The following JAM3 variants were observed in gnomAD, a reference collection of about 807,000 sequenced individuals.
JAM3 encodes the protein junctional adhesion molecule 3, also known as junctional adhesion molecule C.
Under a neutral mutation model 39.4 loss-of-function variants are expected in JAM3, and 31 were observed. The ratio of observed to expected loss-of-function variants is 0.79; its 90% CI spans 0.59 to 1.06. The LOEUF (loss-of-function observed/expected upper bound fraction) is 1.06, where lower values mean the gene tolerates loss of function less well. Among genes scored for constraint, JAM3 ranks in the 50% least tolerant of loss-of-function variants. The pLI, the probability that JAM3 is intolerant of heterozygous loss-of-function variation, is 0.00. For missense variants in JAM3, 455 were observed against 391.4 expected (o/e 1.16, Z -1.37); for synonymous variants, 182 against 148.7 (o/e 1.22, Z -1.63).
intron 6 of JAM3, chr11:134,147,860 T>C (rs983538916): frequency 1.3e-5 from 2 of 153,402 alleles, no homozygotes; most frequent in African/African-American, 4.8e-5. Flanking sequence ...TTTTAAAACT[T>C]CCAAGTTACT....
At chr11:134,084,700 A>C (rs1256718338) in intron 1 of JAM3, among the ~76,000 whole-genome samples, 1 of 152,198 alleles carries the variant, frequency 6.6e-6, no homozygotes, top group Non-Finnish European at 1.5e-5. Context: ...AGGCAGATTT[A>C]AAGGGAAGCT....
In JAM3 at chr11:134,104,287, TA is replaced by T. The variant is rs536943820; in HGVS notation, c.76+35131del. On this transcript the variant is annotated intron_variant, in intron 1 of 8. Transcript: ENST00000299106. Reference sequence around the variant, plus strand: ...GTACATAACAAAATGAAGGCAGAAATAAAGATGTTATTTGAAACCAATGAGA... The same window carrying T: ...GTACATAACAAAATGAAGGCAGAAATAAGATGTTATTTGAAACCAATGAGA... Among the ~76,000 whole-genome samples the T allele has an allele frequency of 1.8e-4, 28 of 152,186 alleles. No homozygotes were observed. In the East Asian group the frequency reaches 5.4e-3, roughly 29 times the overall value.
intron 1 of JAM3, among the ~76,000 whole-genome samples, chr11:134,135,761 T>G (rs1942853481): frequency 6.6e-6 from 1 of 152,024 alleles, no homozygotes; most frequent in South Asian, 2.1e-4. Flanking sequence ...TAGTATATAA[T>G]AAGAGATAAA....
At chr11:134,072,596 C>A (rs1351365019) in intron 1 of JAM3, among the ~76,000 whole-genome samples, 1 of 152,216 alleles carries the variant, frequency 6.6e-6, no homozygotes, top group African/African-American at 2.4e-5. Flanking sequence ...AGGCGTGAGC[C>A]ACCACGCCCA....
chr11:134,085,846 G>T (rs1444362398), intron 1 of JAM3, among the ~76,000 whole-genome samples: 1 of 152,164 alleles, frequency 6.6e-6, no homozygotes, highest in African/African-American at 2.4e-5. Flanking sequence ...TTCTTTAGTT[G>T]TGGGTTTGGG....
At chr11:134,135,434 A>C (rs1942845659) in intron 1 of JAM3, among the ~76,000 whole-genome samples, 1 of 152,196 alleles carries the variant, frequency 6.6e-6, no homozygotes, top group African/African-American at 2.4e-5. Flanking sequence ...CTTTGTAATA[A>C]GTTTTGCAAT....
rs1385379800 is a variant in JAM3 at position 134,151,863 on chromosome 11, AG to A, written c.*2685del. On this transcript the variant is annotated 3_prime_UTR_variant, in exon 9 of 9. Coordinates refer to ENST00000299106, the MANE Select transcript of JAM3 (RefSeq NM_032801.5). ...AAATGCTATCAATCACCCATCCACC[AG>A]GGAAGTCAGTGCTGGGCAGGAGGTC... is the stretch of plus-strand genomic sequence containing the variant. The A allele has an allele frequency of 6.6e-6, 1 of 152,142 alleles. No homozygotes were observed. The highest frequency in any genetic ancestry group is 1.5e-5 in the Non-Finnish European group (1 of 68,044). The allele number at this position is 152,142 out of a possible 1,614,324, so 9.4% of individuals were successfully genotyped here.
At chr11:134,100,359 A>T (rs1267620855) in intron 1 of JAM3, among the ~76,000 whole-genome samples, 2 of 152,064 alleles carry the variant, frequency 1.3e-5, no homozygotes, top group East Asian at 3.9e-4. Context: ...GCTGAGGAGG[A>T]GGTGTGATAT....
In JAM3 at chr11:134,126,164, C is replaced by A. The variant is rs538477645; in HGVS notation, c.77-13687C>A. Among the ~76,000 whole-genome samples, 9 of 152,250 alleles carry A rather than the reference C, an allele frequency of 5.9e-5. No individual in the cohort carries two copies. The South Asian group carries it at 1.9e-3, about 32-fold the overall frequency. On this transcript the variant is annotated intron_variant, in intron 1 of 8. Transcript: ENST00000299106. ...ATAGATTTTCCTTGTGGACAACTGT[C>A]CATAAAGGTAGAATGCTAGTAATAC...
intron 1 of JAM3, among the ~76,000 whole-genome samples, chr11:134,108,644 A>G (rs184487154): frequency 2.6e-5 from 4 of 152,362 alleles, no homozygotes; most frequent in Admixed American, 2.0e-4. Flanking sequence ...GGTTGGTTTA[A>G]CATATGAAAA....
chr11:134,148,812 C>G lies in JAM3; in HGVS notation c.891C>G (p.Asp297Glu), dbSNP rs150992119. The change falls in exon 8 of 9, where the codon GAC becomes GAG. Residue 297 changes from aspartate to glutamate, a missense_variant. By Grantham distance (45) the Asp-to-Glu change is conservative. Coordinates refer to ENST00000299106, the MANE Select transcript of JAM3 (RefSeq NM_032801.5). ...ATGGAGTTAACTACATCCGCACTGA[C>G]GAGGAGGTAATCATTTAGTAAACCT... The part of the protein sequence containing the change: ...KPDGVNYIRT[D>E]EEGDFRHKSS... The G allele has an allele frequency of 5.0e-6, 8 of 1,613,998 alleles. No individual in the cohort carries two copies. The East Asian group carries it at 8.9e-5, about 18-fold the overall frequency.
intron 1 of JAM3, among the ~76,000 whole-genome samples, chr11:134,133,046 G>A: frequency 6.6e-6 from 1 of 152,128 alleles, no homozygotes; most frequent in Non-Finnish European, 1.5e-5. Context: ...TTGATTTTCA[G>A]GTTGTTCAGC....
chr11:134,117,528 C>T (rs191472769), intron 1 of JAM3, among the ~76,000 whole-genome samples: 168 of 152,344 alleles, frequency 1.1e-3, no homozygotes, highest in South Asian at 1.0e-3. Flanking sequence ...CAGAATTCAA[C>T]TGTTTTGTAA....
At chr11:134,139,406 C>T (rs1372291077) in intron 1 of JAM3, among the ~76,000 whole-genome samples, 1 of 152,146 alleles carries the variant, frequency 6.6e-6, no homozygotes, top group Non-Finnish European at 1.5e-5. Flanking sequence ...GATGCCGTCC[C>T]GAAGGGAAGA....
At chr11:134,142,657 A>G (rs1235168318) in intron 3 of JAM3, among the ~76,000 whole-genome samples, 1 of 152,130 alleles carries the variant, frequency 6.6e-6, no homozygotes, top group Non-Finnish European at 1.5e-5. Flanking sequence ...GCATCCTTTT[A>G]AAGTGTGCAG....
At chr11:134,136,957 C>G (rs931695871) in intron 1 of JAM3, among the ~76,000 whole-genome samples, 50 of 152,044 alleles carry the variant, frequency 3.3e-4, no homozygotes, top group Non-Finnish European at 6.6e-4. Flanking sequence ...ACTAAAAATA[C>G]AAAAAATTAG....
At chr11:134,101,903 C>CA (rs1195889230) in intron 1 of JAM3, among the ~76,000 whole-genome samples, 1 of 151,968 alleles carries the variant, frequency 6.6e-6, no homozygotes, top group African/African-American at 2.4e-5. Flanking sequence ...CGCATTTTTA[C>CA]AAAAAATTTA....
intron 1 of JAM3, among the ~76,000 whole-genome samples, chr11:134,120,181 T>C (rs2120767786): frequency 6.6e-6 from 1 of 152,356 alleles, no homozygotes; most frequent in Admixed American, 6.5e-5. Flanking sequence ...AGCGGTCTGC[T>C]GTGAAGGGTA....
chr11:134,139,902 T>C lies in JAM3; in HGVS notation c.128T>C (p.Val43Ala), dbSNP rs1242711104. ...AAATCCAGCAATCGAACCCCAGTGGTACAGGAATTTGAAAGTAAGTACAAA... is the reference window on the plus strand; with the variant it reads ...AAATCCAGCAATCGAACCCCAGTGGCACAGGAATTTGAAAGTAAGTACAAA... The part of the protein sequence containing the change: ...NLKSSNRTPV[V>A]QEFESVELSC... Residue 43 changes from valine to alanine, a missense_variant, in exon 2 of 9, where the codon GTA becomes GCA. Transcript: ENST00000299106. 6.2e-7 allele frequency: 1 copy of C among 1,613,674 alleles called. No homozygotes were observed. The highest frequency in any genetic ancestry group is 2.2e-5 in the East Asian group (1 of 44,878).
Sources: gnomAD v4.1 joint callset for allele counts (sites outside exome capture counted in the v4.1 genomes callset) on GRCh38, gnomAD v4.1.1 for gene constraint, MANE v1.5 for transcripts, NCBI Gene and HGNC (gene_info 2026-07-23, HGNC 2026-07-21) for gene names.